Variants in NBAS observed in about 807,000 individuals in gnomAD.
The protein encoded by NBAS is NBAS subunit of NRZ tethering complex.
In NBAS, 219 loss-of-function variants were observed where a neutral mutation model predicts 302.5. That is an observed-to-expected ratio of 0.72 (90% CI 0.65 to 0.81). The LOEUF (loss-of-function observed/expected upper bound fraction) is 0.81, where lower values mean the gene tolerates loss of function less well. Ranked by LOEUF, NBAS falls within the 30% of genes least tolerant of loss-of-function variation. The probability of loss-of-function intolerance (pLI) is 0.00; values close to 1 mark genes in which losing one functional copy is unlikely to be tolerated. For synonymous variants in NBAS, 1,118 were observed against 1,021.6 expected, an observed-to-expected ratio of 1.09 and a Z score of -1.80; for missense variants, 2,932 against 2,841.6, an observed-to-expected ratio of 1.03 and a Z score of -0.72.
At chr2:15,282,785 T>A (rs1474381330) in intron 42 of NBAS, among the ~76,000 whole-genome samples, 1 of 152,214 alleles carries the variant, frequency 6.6e-6, no homozygotes, top group Non-Finnish European at 1.5e-5. Context: ...TATAAAGACA[T>A]GTCCTGTCCT....
At chr2:14,999,219 C>T in the NBAS span, among the ~76,000 whole-genome samples, 1 of 152,014 alleles carries the variant, frequency 6.6e-6, no homozygotes, top group South Asian at 2.1e-4. Flanking sequence ...GAGAAGGAGG[C>T]TTGCAAATGA....
At chr2:15,075,949 GT>G in the NBAS span, among the ~76,000 whole-genome samples, 1 of 152,146 alleles carries the variant, frequency 6.6e-6, no homozygotes, top group Non-Finnish European at 1.5e-5. Flanking sequence ...AAATGAACAC[GT>G]TTTTACTTTT....
the NBAS span, among the ~76,000 whole-genome samples, chr2:14,813,107 A>C: frequency 6.6e-6 from 1 of 152,210 alleles, no homozygotes; most frequent in Non-Finnish European, 1.5e-5. Context: ...ACTGTGAGTC[A>C]ATTAAACCTC....
Position 15,275,401 on chromosome 2 carries a change from C to T in NBAS, c.5724+83G>A, listed in dbSNP as rs3755127. The T allele has an allele frequency of 0.49, 676,526 of 1,386,924 alleles. 175,341 individuals carry two copies. Among genetic ancestry groups the T allele is most frequent in the African/African-American group, 0.88 (59,879 of 68,170 alleles). The allele number at this position is 1,386,924 out of a possible 1,614,324, so 85.9% of individuals were successfully genotyped here. ...ATGTAATTATTTTCAAGAAAGGAAA[C>T]AAAAATAAAATCTACAGAATGTAGG... On this transcript the variant is annotated intron_variant, in intron 44 of 51. Transcript: ENST00000281513.
At chr2:15,148,882 T>C in the NBAS span, among the ~76,000 whole-genome samples, 1 of 152,188 alleles carries the variant, frequency 6.6e-6, no homozygotes, top group Non-Finnish European at 1.5e-5. Context: ...CCAAAATACT[T>C]TCCTATGCTT....
chr2:14,879,258 T>A, the NBAS span, among the ~76,000 whole-genome samples: 1 of 152,192 alleles, frequency 6.6e-6, no homozygotes, highest in African/African-American at 2.4e-5. Context: ...AAAGCTGCCA[T>A]AAGCATCCAT....
the NBAS span, among the ~76,000 whole-genome samples, chr2:14,831,346 C>T: frequency 2.6e-5 from 4 of 151,940 alleles, no homozygotes; most frequent in Non-Finnish European, 5.9e-5. Context: ...ATTACTCATT[C>T]GTGGGGATAA....
chr2:14,849,246 T>C, the NBAS span, among the ~76,000 whole-genome samples: 4 of 151,404 alleles, frequency 2.6e-5, no homozygotes, highest in Admixed American at 2.6e-4. Flanking sequence ...CTGATGGAGC[T>C]GAAAACCAAG....
At chr2:15,464,843 G>A (rs1679654143) in intron 19 of NBAS, among the ~76,000 whole-genome samples, 1 of 152,022 alleles carries the variant, frequency 6.6e-6, no homozygotes, top group African/African-American at 2.4e-5. Context: ...CACCCCTCAC[G>A]CTCCCCATCC....
intron 42 of NBAS, among the ~76,000 whole-genome samples, chr2:15,281,417 T>C (rs1057296970): frequency 1.5e-4 from 23 of 152,206 alleles, no homozygotes; most frequent in African/African-American, 5.5e-4. Context: ...GTATATCTTA[T>C]CATTGATACC....
At chr2:15,250,220 C>A (rs1668298807) in intron 44 of NBAS, among the ~76,000 whole-genome samples, 1 of 152,142 alleles carries the variant, frequency 6.6e-6, no homozygotes, top group Non-Finnish European at 1.5e-5. Flanking sequence ...GGAAAGGATT[C>A]CCTATTTAAT....
At chr2:14,944,384 TC>T in the NBAS span, among the ~76,000 whole-genome samples, 4 of 152,288 alleles carry the variant, frequency 2.6e-5, no homozygotes, top group African/African-American at 7.2e-5. Flanking sequence ...GTGCTTCACT[TC>T]AAGTATCTCA....
At chr2:15,424,208 A>G in intron 23 of NBAS, 107 bp downstream of exon 23, 1 of 1,254,806 alleles carries the variant, frequency 8.0e-7, no homozygotes, top group Non-Finnish European at 1.2e-6. Context: ...TTGCAATTAT[A>G]TACATGATTC....
At chr2:15,030,069 C>T in the NBAS span, among the ~76,000 whole-genome samples, 1 of 152,206 alleles carries the variant, frequency 6.6e-6, no homozygotes, top group Admixed American at 6.5e-5. Context: ...ACAGCCTCCA[C>T]AGCTCACCAG....
the NBAS span, among the ~76,000 whole-genome samples, chr2:14,940,653 A>G: frequency 5.8e-4 from 89 of 152,168 alleles, no homozygotes; most frequent in Non-Finnish European, 1.0e-3. Context: ...CTTCTTCTCC[A>G]TCTCCAACAA....
In NBAS at chr2:15,292,495, A is replaced by G. The variant is rs752405178; in HGVS notation, c.5027+42T>C. ...CTGGTAACTGAACTTATTCTTTTGC[A>G]GTTTAAATCCATCCCCTTATGAAAC... is the stretch of plus-strand genomic sequence containing the variant. On this transcript the variant is annotated intron_variant, in intron 41 of 51. Coordinates refer to ENST00000281513, the MANE Select transcript of NBAS (RefSeq NM_015909.4). The G allele has an allele frequency of 1.3e-5, 20 of 1,586,772 alleles. No homozygotes were observed. In the Admixed American group the frequency reaches 2.7e-4, roughly 21 times the overall value.
At chr2:15,455,180 G>A (rs1679194974) in intron 21 of NBAS, among the ~76,000 whole-genome samples, 1 of 152,164 alleles carries the variant, frequency 6.6e-6, no homozygotes, top group Non-Finnish European at 1.5e-5. Flanking sequence ...TGGGATTACA[G>A]GCGTGAGCCA....
chr2:15,065,605 A>G, the NBAS span, among the ~76,000 whole-genome samples: 1 of 152,160 alleles, frequency 6.6e-6, no homozygotes, highest in Non-Finnish European at 1.5e-5. Context: ...CAAACTATCC[A>G]AAAAGGAAAT....
chr2:15,491,048 T>C (rs1198169007), intron 11 of NBAS, among the ~76,000 whole-genome samples: 2 of 152,194 alleles, frequency 1.3e-5, no homozygotes, highest in African/African-American at 4.8e-5. Context: ...AATAAATATA[T>C]AGTATTTTTT....
Sources: allele counts gnomAD v4.1 joint callset (sites outside exome capture counted in the v4.1 genomes callset), GRCh38; gene constraint gnomAD v4.1.1; transcripts MANE v1.5; gene names NCBI Gene and HGNC (gene_info 2026-07-23, HGNC 2026-07-21).